Variants in NRG1 observed in about 807,000 individuals in gnomAD.
The protein encoded by NRG1 is neuregulin 1.
A neutral mutation model predicts 63.8 loss-of-function variants in NRG1; 18 were observed. The ratio of observed to expected loss-of-function variants is 0.28; its 90% CI spans 0.19 to 0.42. NRG1 has a LOEUF of 0.42. Ranked by LOEUF, NRG1 falls within the 10% of genes least tolerant of loss-of-function variation. NRG1 has a pLI of 1.00. For synonymous variants in NRG1, 302 were observed against 301.3 expected (o/e 1.00, Z -0.02); for missense variants, 762 against 814.7 (o/e 0.94, Z 0.79).
chr8:32,264,396 A>G (rs1850699419), intron 1 of NRG1, among the ~76,000 whole-genome samples: 1 of 152,204 alleles, frequency 6.6e-6, no homozygotes, highest in Admixed American at 6.5e-5. Context: ...CAGAGGTAAC[A>G]TTAGCACAAA....
chr8:32,376,082 C>G (rs1809587016), intron 1 of NRG1, among the ~76,000 whole-genome samples: 1 of 152,116 alleles, frequency 6.6e-6, no homozygotes, highest in African/African-American at 2.4e-5. Flanking sequence ...TATTTCTTTT[C>G]AAAGGAACAT....
intron 1 of NRG1, among the ~76,000 whole-genome samples, chr8:32,498,053 CCTCAGGTCATCCA>C (rs1478170265): frequency 1.6e-4 from 24 of 152,282 alleles, no homozygotes; most frequent in African/African-American, 5.8e-4. Flanking sequence ...GAACTCCTGA[CCTCAGGTCATCCA>C]CTCACCTCGG....
chr8:32,514,574 T>C (rs534579713), intron 1 of NRG1, among the ~76,000 whole-genome samples: 2 of 152,328 alleles, frequency 1.3e-5, no homozygotes, highest in African/African-American at 4.8e-5. Flanking sequence ...TATTGCCACA[T>C]GAACTGGATT....
intron 1 of NRG1, among the ~76,000 whole-genome samples, chr8:32,130,033 C>T (rs879278355): frequency 6.6e-6 from 1 of 151,816 alleles, no homozygotes; most frequent in African/African-American, 2.4e-5. Flanking sequence ...AATGTAAGAA[C>T]TCTGAGGTTA....
chr8:32,111,898 C>G (rs1269407643), intron 1 of NRG1, among the ~76,000 whole-genome samples: 1 of 152,064 alleles, frequency 6.6e-6, no homozygotes, highest in African/African-American at 2.4e-5. Flanking sequence ...TCTTCGAGGT[C>G]AGTTTGAGGT....
At chr8:32,498,753 T>C (rs371782598) in intron 1 of NRG1, among the ~76,000 whole-genome samples, 4 of 152,212 alleles carry the variant, frequency 2.6e-5, no homozygotes, top group Admixed American at 2.6e-4. Flanking sequence ...GTTGACTCCC[T>C]ATCTTTATAA....
intron 1 of NRG1, among the ~76,000 whole-genome samples, chr8:32,370,490 T>C (rs1417005722): frequency 6.6e-6 from 1 of 152,142 alleles, no homozygotes; most frequent in Non-Finnish European, 1.5e-5. Context: ...GTATTACATA[T>C]ATTTTCATTC....
At chr8:32,274,157 G>A (rs1338332635) in intron 1 of NRG1, among the ~76,000 whole-genome samples, 4 of 152,148 alleles carry the variant, frequency 2.6e-5, no homozygotes, top group African/African-American at 9.7e-5. Flanking sequence ...GTGCTTCAGT[G>A]ACTAAAAAAT....
chr8:31,908,057 A>G (rs901953228), intron 1 of NRG1, among the ~76,000 whole-genome samples: 1 of 152,176 alleles, frequency 6.6e-6, no homozygotes, highest in African/African-American at 2.4e-5. Flanking sequence ...TCAGCCATGC[A>G]TATGTGTATT....
At chr8:32,349,307 A>G (rs1586969859) in intron 1 of NRG1, among the ~76,000 whole-genome samples, 1 of 152,210 alleles carries the variant, frequency 6.6e-6, no homozygotes, top group African/African-American at 2.4e-5. Flanking sequence ...AAATCTTCCC[A>G]TAGTCCTCTA....
chr8:31,888,128 G>T (rs1210610866), intron 1 of NRG1, among the ~76,000 whole-genome samples: 2 of 151,612 alleles, frequency 1.3e-5, no homozygotes, highest in Non-Finnish European at 2.9e-5. Context: ...TTATACATGT[G>T]TTTATTATAT....
intron 1 of NRG1, among the ~76,000 whole-genome samples, chr8:32,566,018 T>C (rs983105114): frequency 2.6e-5 from 4 of 152,062 alleles, no homozygotes; most frequent in African/African-American, 7.2e-5. Flanking sequence ...TAGAAACCTG[T>C]CGGTAGACTC....
intron 1 of NRG1, among the ~76,000 whole-genome samples, chr8:32,462,260 T>C (rs1822409681): frequency 1.3e-5 from 2 of 152,276 alleles, no homozygotes; most frequent in South Asian, 4.1e-4. Context: ...CAACCTCTGA[T>C]TGGTGAGTGA....
chr8:31,746,799 T>A (rs1211979576), intron 1 of NRG1, among the ~76,000 whole-genome samples: 2 of 151,936 alleles, frequency 1.3e-5, no homozygotes, highest in Non-Finnish European at 2.9e-5. Flanking sequence ...AATGTGGTGC[T>A]TATATACAAT....
chr8:31,995,701 C>T lies in NRG1; in HGVS notation c.37+356270C>T, dbSNP rs117019681. 2.6e-3 allele frequency among the ~76,000 whole-genome samples: 393 copies of T among 151,996 alleles called. 7 individuals carry two copies. In the East Asian group the frequency reaches 0.032, roughly 12 times the overall value. On this transcript the variant is annotated intron_variant, in intron 1 of 10. Transcript: ENST00000519301. ...TGTTTCCCAGATAAACTATTTCCTT[C>T]TATGTCTCTGCTTTCCTGAAGACAA...
chr8:32,611,393 T>C (rs1338979523), intron 3 of NRG1, among the ~76,000 whole-genome samples: 1 of 151,948 alleles, frequency 6.6e-6, no homozygotes, highest in East Asian at 1.9e-4. Flanking sequence ...TTCACAATAT[T>C]GGGAAACAAC....
chr8:31,725,299 A>C (rs1392225874), intron 1 of NRG1, among the ~76,000 whole-genome samples: 16 of 152,150 alleles, frequency 1.1e-4, no homozygotes, highest in Non-Finnish European at 2.4e-4. Flanking sequence ...TCTCTCTCTG[A>C]TACTGAGAAC....
At chr8:31,914,741 A>T (rs1180022298) in intron 1 of NRG1, among the ~76,000 whole-genome samples, 1 of 152,012 alleles carries the variant, frequency 6.6e-6, no homozygotes, top group Non-Finnish European at 1.5e-5. Flanking sequence ...TTATCAAATA[A>T]TCTTTTTTTT....
At chr8:32,200,625 C>T (rs1183698469) in intron 1 of NRG1, among the ~76,000 whole-genome samples, 1 of 152,162 alleles carries the variant, frequency 6.6e-6, no homozygotes, top group African/African-American at 2.4e-5. Context: ...ATGACCAGGA[C>T]TTGTCAAAGA....
Sources: allele counts gnomAD v4.1 joint callset (sites outside exome capture counted in the v4.1 genomes callset), GRCh38; gene constraint gnomAD v4.1.1; transcripts MANE v1.5; gene names NCBI Gene and HGNC (gene_info 2026-07-23, HGNC 2026-07-21).